The following ACAA2 variants were observed in gnomAD, a reference collection of about 807,000 sequenced individuals.
ACAA2 encodes the protein 3-ketoacyl-CoA thiolase, mitochondrial.
A neutral mutation model predicts 44.8 loss-of-function variants in ACAA2; 35 were observed. The observed-to-expected ratio is 0.78, with a 90% CI of 0.60 to 1.04. The LOEUF (loss-of-function observed/expected upper bound fraction) is 1.04. ACAA2 is among the 50% of genes least tolerant of loss of function. ACAA2 has a pLI of 0.00. For synonymous variants in ACAA2, 142 were observed against 166.5 expected (o/e 0.85, Z 1.13); for missense variants, 468 against 482.6 (o/e 0.97, Z 0.28).
chr18:49,810,812 G>A (rs1051029902), intron 1 of ACAA2, among the ~76,000 whole-genome samples: 4 of 151,510 alleles, frequency 2.6e-5, no homozygotes, highest in Non-Finnish European at 5.9e-5. Context: ...ACAGCCTCCC[G>A]AGTAGCTGGG....
intron 7 of ACAA2, among the ~76,000 whole-genome samples, chr18:49,790,928 G>GA (rs1321764724): frequency 6.6e-6 from 1 of 152,148 alleles, no homozygotes; most frequent in Non-Finnish European, 1.5e-5. Context: ...GAGAGACTTG[G>GA]ATTCACACCC....
intron 7 of ACAA2, 70 bp downstream of exon 7, chr18:49,791,400 G>T: frequency 2.7e-6 from 4 of 1,507,556 alleles, no homozygotes; most frequent in South Asian, 1.2e-5. Flanking sequence ...ACTTTTTCAG[G>T]ACTCTGAATG....
At chr18:49,787,262 A>G (rs989097567) in intron 8 of ACAA2, 29 bp downstream of exon 8, 3 of 1,016,162 alleles carry the variant, frequency 3.0e-6, no homozygotes, top group Non-Finnish European at 2.5e-6. Flanking sequence ...CATGTTGTTA[A>G]AAAAAAAAAA....
intron 1 of ACAA2, among the ~76,000 whole-genome samples, chr18:49,805,013 G>C (rs570994054): frequency 6.6e-6 from 1 of 152,272 alleles, no homozygotes; most frequent in Non-Finnish European, 1.5e-5. Flanking sequence ...CAGCAACTCT[G>C]CAAGGTAAAT....
Position 49,783,505 on chromosome 18 carries a change from G to A in ACAA2, c.*342C>T, listed in dbSNP as rs1281649948. The stretch of plus-strand genomic sequence containing the variant: ...TATAAATGACAGGAAAATATTAACT[G>A]AAGTTAAGGCAACATTTATTTGATT... On this transcript the variant is annotated 3_prime_UTR_variant, in exon 10 of 10. Transcript: ENST00000285093. 5.5e-6 allele frequency: 1 copy of A among 182,156 alleles called. No homozygotes were observed. The highest frequency in any genetic ancestry group is 1.2e-5 in the Non-Finnish European group (1 of 86,560). The allele number at this position is 182,156 out of a possible 1,614,324, so 11.3% of individuals were successfully genotyped here. A position where few individuals can be genotyped will look rare whatever the true frequency, so the allele number is the denominator to read the frequency against.
At chr18:49,786,007 C>CTGGCAATTACCTTACTTCA (rs1217715887) in intron 8 of ACAA2, 1 of 152,128 alleles carries the variant, frequency 6.6e-6, no homozygotes, top group Non-Finnish European at 1.5e-5. Context: ...CTTACACAAA[C>CTGGCAATTACCTTACTTCA]TGGCAATTAC....
intron 9 of ACAA2, 72 bp from the exon 10 acceptor site, chr18:49,784,003 C>A: frequency 1.6e-6 from 2 of 1,215,172 alleles, no homozygotes; most frequent in Non-Finnish European, 2.4e-6. Flanking sequence ...CTAATAACAT[C>A]ACATCTGCAT....
At position 49,794,431 on chromosome 18, in the gene ACAA2, T is replaced by G; in HGVS notation, c.430-4A>C. On this transcript the variant is annotated splice_region_variant and splice_polypyrimidine_tract_variant and intron_variant, in intron 4 of 9. Transcript: ENST00000285093. ...ATACCCATAAAGAATCTTCCAGCTA[T>G]TAAAAGACATTAATAAAGTGACTTG... 6.4e-7 allele frequency: 1 copy of G among 1,571,416 alleles called. No individual in the cohort carries two copies. The highest frequency in any genetic ancestry group is 8.6e-7 in the Non-Finnish European group (1 of 1,162,882).
chr18:49,790,892 C>T (rs1319839347), intron 7 of ACAA2, among the ~76,000 whole-genome samples: 1 of 152,154 alleles, frequency 6.6e-6, no homozygotes, highest in African/African-American at 2.4e-5. Context: ...GCGTTTAACT[C>T]ACAGTGAAGA....
At chr18:49,800,714 G>T (rs913157702) in intron 2 of ACAA2, among the ~76,000 whole-genome samples, 2 of 152,018 alleles carry the variant, frequency 1.3e-5, no homozygotes. Context: ...CTTGTTAAGA[G>T]TCATCACCAC....
chr18:49,796,004 C>T (rs2023460876), intron 3 of ACAA2, 123 bp from the exon 4 acceptor site: 1 of 602,826 alleles, frequency 1.7e-6, no homozygotes, highest in Non-Finnish European at 2.9e-6. Context: ...CTTACAGTGT[C>T]TCAAAAGGAA....
chr18:49,801,438 A>G (rs2023546538), intron 2 of ACAA2, among the ~76,000 whole-genome samples: 1 of 152,216 alleles, frequency 6.6e-6, no homozygotes, highest in Non-Finnish European at 1.5e-5. Context: ...AAACGGAAGT[A>G]TCCAATTTCT....
At chr18:49,802,934 C>G (rs1289021812) in intron 1 of ACAA2, 81 bp from the exon 2 acceptor site, 4 of 1,476,042 alleles carry the variant, frequency 2.7e-6, no homozygotes, top group South Asian at 2.3e-5. Flanking sequence ...CACTGTGAAA[C>G]CTTACACAAT....
chr18:49,792,323 A>ATTAGC lies in ACAA2; in HGVS notation c.578-1_581dup (p.Asn194LysfsTer17). On this transcript the variant is annotated frameshift_variant, in exon 6 of 10. Coordinates refer to ENST00000285093, the MANE Select transcript of ACAA2 (RefSeq NM_006111.3). LOFTEE classifies it high-confidence loss of function. Reference sequence around the variant, plus strand: ...TTTCATCATTAAAGTAGCCAGCATCATTAGCTGAAAAATAGTAGAGAGACT... The same window carrying ATTAGC: ...TTTCATCATTAAAGTAGCCAGCATCATTAGCTTAGCTGAAAAATAGTAGAGAGACT... 2 of 1,612,416 alleles carry ATTAGC rather than the reference A, an allele frequency of 1.2e-6. No homozygotes were observed. Among genetic ancestry groups the ATTAGC allele is most frequent in the Non-Finnish European group, 1.7e-6 (2 of 1,178,924 alleles).
At chr18:49,797,359 G>T in intron 3 of ACAA2, 107 bp downstream of exon 3, 1 of 1,026,116 alleles carries the variant, frequency 9.7e-7, no homozygotes, top group Non-Finnish European at 1.4e-6. Flanking sequence ...TTGACCTCCA[G>T]GGCTCAAGCA....
rs1282047749 is a variant in ACAA2 at position 49,794,347 on chromosome 18, T to C, written c.510A>G (p.Val170=). Residue 170 remains valine, a synonymous_variant, in exon 5 of 10, where the codon GTA becomes GTG. Transcript: ENST00000285093. ...PMAMTAENLA[V]KHKISREECD... is the part of the protein sequence containing the mutation. ...ATTCTTCTCTGCTTATTTTGTGTTT[T>C]ACAGCAAGATTCTCTGCAGTCATTG... 2 of 1,611,290 alleles carry C rather than the reference T, an allele frequency of 1.2e-6. No individual in the cohort carries two copies. The highest frequency in any genetic ancestry group is 1.7e-5 in the Admixed American group (1 of 59,882).
chr18:49,805,806 G>A (rs986559473), intron 1 of ACAA2, among the ~76,000 whole-genome samples: 1 of 151,324 alleles, frequency 6.6e-6, no homozygotes, highest in African/African-American at 2.4e-5. Flanking sequence ...TCCCAGGCTG[G>A]TCTCGAACTC....
At chr18:49,787,260 T>TAAAAAAAAAAAA (rs35932656) in intron 8 of ACAA2, 31 bp downstream of exon 8, 46 of 1,028,086 alleles carry the variant, frequency 4.5e-5, no homozygotes, top group African/African-American at 3.9e-4. Flanking sequence ...TTCATGTTGT[T>TAAAAAAAAAAAA]AAAAAAAAAA....
At position 49,784,057 on chromosome 18, in the gene ACAA2, C is replaced by T. The variant is rs1049764336; in HGVS notation, c.1110-126G>A. Reference sequence around the variant, plus strand: ...TCATCTGCTCAATCTTTTCCCCAGTCCTCAATTTTGGTATAATTACAACAG... The same window carrying T: ...TCATCTGCTCAATCTTTTCCCCAGTTCTCAATTTTGGTATAATTACAACAG... On this transcript the variant is annotated intron_variant, in intron 9 of 9. Transcript: ENST00000285093. The T allele has an allele frequency of 1.1e-4, 88 of 775,556 alleles. 1 individual carries two copies. The highest frequency in any genetic ancestry group is 9.4e-5 in the Non-Finnish European group (43 of 459,640). 48.0% of individuals were successfully genotyped at this position (775,556 alleles called of 1,614,324 possible).
Sources: allele counts gnomAD v4.1 joint callset (sites outside exome capture counted in the v4.1 genomes callset), GRCh38; gene constraint gnomAD v4.1.1; transcripts MANE v1.5; gene names NCBI Gene and HGNC (gene_info 2026-07-23, HGNC 2026-07-21).